Variants in SGCZ observed in about 807,000 individuals in gnomAD.
The protein encoded by SGCZ is sarcoglycan zeta.
Under a neutral mutation model 41.3 loss-of-function variants are expected in SGCZ, and 40 were observed. The ratio of observed to expected loss-of-function variants is 0.97; its 90% CI spans 0.75 to 1.26. The LOEUF is 1.26. Among genes scored for constraint, SGCZ ranks in the 50% most tolerant of loss-of-function variants. SGCZ has a pLI of 0.00. For missense variants in SGCZ, 552 were observed against 369.8 expected (o/e 1.49, Z -4.04); for synonymous variants, 206 against 137.5 (o/e 1.50, Z -3.49).
chr8:14,675,706 C>T (rs571582929), intron 1 of SGCZ, among the ~76,000 whole-genome samples: 1 of 152,212 alleles, frequency 6.6e-6, no homozygotes, highest in Non-Finnish European at 1.5e-5. Context: ...TCCCGTCTTG[C>T]CTTAAACACC....
chr8:14,417,446 A>G (rs1451461223), intron 2 of SGCZ, among the ~76,000 whole-genome samples: 1 of 151,636 alleles, frequency 6.6e-6, no homozygotes, highest in Non-Finnish European at 1.5e-5. Context: ...TCCTCCAATT[A>G]TTTCCCCAGT....
intron 1 of SGCZ, among the ~76,000 whole-genome samples, chr8:14,682,257 T>C (rs555548144): frequency 3.9e-5 from 6 of 152,282 alleles, no homozygotes; most frequent in Non-Finnish European, 7.4e-5. Flanking sequence ...GGTTGTACTA[T>C]AGAAAATATT....
At chr8:14,122,004 T>C (rs906939368) in intron 5 of SGCZ, among the ~76,000 whole-genome samples, 1 of 152,110 alleles carries the variant, frequency 6.6e-6, no homozygotes, top group African/African-American at 2.4e-5. Flanking sequence ...GGAGGCCGGG[T>C]GCTGTAGCTC....
intron 3 of SGCZ, among the ~76,000 whole-genome samples, chr8:14,247,619 T>G (rs1799149144): frequency 6.6e-6 from 1 of 152,198 alleles, no homozygotes; most frequent in South Asian, 2.1e-4. Context: ...AAAAGATGCT[T>G]CTTCTTTTCC....
chr8:14,123,213 A>G (rs1035415941), intron 5 of SGCZ, among the ~76,000 whole-genome samples: 1 of 152,202 alleles, frequency 6.6e-6, no homozygotes, highest in Non-Finnish European at 1.5e-5. Context: ...GAGTAAACAG[A>G]CTGATTCTGA....
chr8:14,139,259 C>T (rs1803294249), intron 5 of SGCZ, among the ~76,000 whole-genome samples: 1 of 152,156 alleles, frequency 6.6e-6, no homozygotes. Flanking sequence ...CTAAAATTGA[C>T]ATCCTAACGT....
At chr8:14,100,558 T>TAATTAGATTAATATATTA (rs1554456233) in intron 7 of SGCZ, among the ~76,000 whole-genome samples, 2 of 141,888 alleles carry the variant, frequency 1.4e-5, no homozygotes, top group Non-Finnish European at 3.0e-5. Context: ...TAGATTAATA[T>TAATTAGATTAATATATTA]ATTATATATT....
intron 1 of SGCZ, among the ~76,000 whole-genome samples, chr8:14,609,975 T>C (rs1187822469): frequency 2.0e-5 from 3 of 152,114 alleles, no homozygotes; most frequent in African/African-American, 4.8e-5. Flanking sequence ...ATTGAATACA[T>C]TCATATTTTT....
rs746080739 is a variant in SGCZ at position 14,909,549 on chromosome 8, C to T, written c.39+328036G>A. On this transcript the variant is annotated intron_variant, in intron 1 of 7. Coordinates refer to ENST00000382080, the MANE Select transcript of SGCZ (RefSeq NM_139167.4). ...TTCCCAAGTCTTATATTACGTCATACTATTTTTTAGTAAATTTTATAAATC... is the reference window on the plus strand; with the variant it reads ...TTCCCAAGTCTTATATTACGTCATATTATTTTTTAGTAAATTTTATAAATC... 5.9e-5 allele frequency among the ~76,000 whole-genome samples: 9 copies of T among 152,154 alleles called. 1 individual carries two copies. In the East Asian group the frequency reaches 1.5e-3, roughly 26 times the overall value.
intron 1 of SGCZ, among the ~76,000 whole-genome samples, chr8:15,150,633 T>G (rs1799152466): frequency 6.6e-6 from 1 of 152,168 alleles, no homozygotes; most frequent in Non-Finnish European, 1.5e-5. Flanking sequence ...GAGGCCCTTT[T>G]TCACCTGGAC....
intron 1 of SGCZ, among the ~76,000 whole-genome samples, chr8:14,815,169 G>A (rs1801864605): frequency 6.6e-6 from 1 of 151,680 alleles, no homozygotes; most frequent in Admixed American, 6.6e-5. Flanking sequence ...AGAAGAAAGT[G>A]CTCAATGTCT....
intron 1 of SGCZ, among the ~76,000 whole-genome samples, chr8:14,645,664 C>T (rs554352938): frequency 1.9e-4 from 28 of 151,312 alleles, no homozygotes; most frequent in African/African-American, 6.3e-4. Flanking sequence ...ATACCCCATA[C>T]GCACCTTTTC....
At chr8:14,625,606 A>G (rs547051916) in intron 1 of SGCZ, among the ~76,000 whole-genome samples, 314 of 151,804 alleles carry the variant, frequency 2.1e-3, no homozygotes, top group African/African-American at 6.5e-3. Flanking sequence ...TGTTTTGTTT[A>G]TTTTGTAGAA....
At chr8:15,137,205 C>T (rs1725039516) in intron 1 of SGCZ, among the ~76,000 whole-genome samples, 1 of 141,384 alleles carries the variant, frequency 7.1e-6, no homozygotes, top group South Asian at 2.1e-4. Flanking sequence ...TATGCCCCTG[C>T]CCTAGATATC....
intron 4 of SGCZ, among the ~76,000 whole-genome samples, chr8:14,203,972 GT>G (rs1805536998): frequency 1.3e-5 from 2 of 151,442 alleles, no homozygotes; most frequent in Non-Finnish European, 2.9e-5. Context: ...TAGGAAAGGA[GT>G]TGGGGGAAAG....
At chr8:14,983,293 G>A (rs1039346519) in intron 1 of SGCZ, among the ~76,000 whole-genome samples, 2 of 151,540 alleles carry the variant, frequency 1.3e-5, no homozygotes, top group Non-Finnish European at 2.9e-5. Flanking sequence ...GAACTGGTAG[G>A]CTTAAGGGAT....
At chr8:15,081,486 C>A (rs1805744608) in intron 1 of SGCZ, among the ~76,000 whole-genome samples, 2 of 144,756 alleles carry the variant, frequency 1.4e-5, no homozygotes, top group African/African-American at 5.4e-5. Flanking sequence ...TTGGCCAGAT[C>A]CAATGGCTTT....
chr8:14,175,670 A>G (rs1804520921), intron 4 of SGCZ, among the ~76,000 whole-genome samples: 1 of 152,112 alleles, frequency 6.6e-6, no homozygotes, highest in Non-Finnish European at 1.5e-5. Flanking sequence ...AAAAAATGCT[A>G]CAAGGCAAGA....
intron 2 of SGCZ, among the ~76,000 whole-genome samples, chr8:14,369,454 G>C (rs1239410754): frequency 6.6e-6 from 1 of 151,878 alleles, no homozygotes; most frequent in Non-Finnish European, 1.5e-5. Context: ...CCTTCCCAGT[G>C]CATCATAGCT....
Sources: gnomAD v4.1 joint callset for allele counts (sites outside exome capture counted in the v4.1 genomes callset) on GRCh38, gnomAD v4.1.1 for gene constraint, MANE v1.5 for transcripts, NCBI Gene and HGNC (gene_info 2026-07-23, HGNC 2026-07-21) for gene names.